Variants in DSC2 observed in about 807,000 individuals in gnomAD.
The protein encoded by DSC2 is desmocollin 2.
A neutral mutation model predicts 87.6 loss-of-function variants in DSC2; 51 were observed. The observed-to-expected ratio is 0.58, with a 90% CI of 0.46 to 0.74. The LOEUF is 0.74. DSC2 is among the 30% of genes least tolerant of loss of function. The pLI, the probability that DSC2 is intolerant of heterozygous loss-of-function variation, is 0.00. For missense variants in DSC2, 1,066 were observed against 1,089.5 expected (o/e 0.98, Z 0.30); for synonymous variants, 383 against 393.2 (o/e 0.97, Z 0.31).
chr18:31,096,000 A>G (rs1987749133), intron 1 of DSC2, among the ~76,000 whole-genome samples: 1 of 152,122 alleles, frequency 6.6e-6, no homozygotes. Flanking sequence ...GAGGTATAAC[A>G]TGGGCTCAAA....
intron 14 of DSC2, among the ~76,000 whole-genome samples, chr18:31,070,036 C>A (rs1216577230): frequency 6.6e-6 from 1 of 152,068 alleles, no homozygotes; most frequent in Non-Finnish European, 1.5e-5. Flanking sequence ...AACACCAAAG[C>A]TTTGGCCACT....
intron 15 of DSC2, 134 bp from the exon 16 acceptor site, chr18:31,068,346 T>A (rs1057255651): frequency 2.5e-6 from 4 of 1,612,618 alleles, no homozygotes; most frequent in Non-Finnish European, 3.4e-6. Flanking sequence ...AATGGATTCC[T>A]ATACATAAAA....
chr18:31,093,860 T>C (rs902409476), intron 1 of DSC2, among the ~76,000 whole-genome samples: 8 of 150,058 alleles, frequency 5.3e-5, no homozygotes, highest in Admixed American at 2.7e-4. Flanking sequence ...TATAATTATA[T>C]GTGATTTATG....
chr18:31,074,956 C>A, intron 11 of DSC2, 49 bp from the exon 12 acceptor site: 1 of 1,545,330 alleles, frequency 6.5e-7, no homozygotes, highest in East Asian at 2.4e-5. Context: ...GAGTTTTCAC[C>A]ACAAAAGTAT....
intron 11 of DSC2, among the ~76,000 whole-genome samples, chr18:31,077,216 AAT>A (rs1274926403): frequency 6.6e-6 from 1 of 152,210 alleles, no homozygotes; most frequent in African/African-American, 2.4e-5. Context: ...GCAGGTGGAT[AAT>A]ATATATTTCA....
chr18:31,100,914 C>CT, intron 1 of DSC2, among the ~76,000 whole-genome samples: 1 of 152,096 alleles, frequency 6.6e-6, no homozygotes, highest in Non-Finnish European at 1.5e-5. Context: ...CCGGCATTGG[C>CT]TTTTTGCGTC....
chr18:31,091,094 T>C lies in DSC2; in HGVS notation c.408A>G (p.Arg136=), dbSNP rs561653481. The change falls in exon 4 of 16, where the codon AGA becomes AGG. Residue 136 remains arginine (R), a synonymous_variant. Coordinates refer to ENST00000280904, the MANE Select transcript of DSC2 (RefSeq NM_024422.6). ...KEKVLRRAKR[R]WAPIPCSMLE... is the part of the protein sequence containing the mutation. ...GCATCGAACAAGGAATTGGAGCCCA[T>C]CTTCTCTTGGCGCGCCTTAGAACTT... 53 of 1,614,066 alleles carry C rather than the reference T, an allele frequency of 3.3e-5. 2 individuals are homozygous for C. The East Asian group carries it at 3.3e-4, about 10-fold the overall frequency.
chr18:31,086,211 G>C (rs1987389154), intron 7 of DSC2, among the ~76,000 whole-genome samples: 1 of 152,146 alleles, frequency 6.6e-6, no homozygotes, highest in Non-Finnish European at 1.5e-5. Context: ...AGAGATTAGA[G>C]AGACATAAAC....
intron 11 of DSC2, among the ~76,000 whole-genome samples, chr18:31,075,204 T>C (rs1007227517): frequency 9.9e-5 from 15 of 152,136 alleles, no homozygotes; most frequent in Non-Finnish European, 1.3e-4. Flanking sequence ...TGAGGACACT[T>C]CTGGTATATT....
At chr18:31,073,338 C>T (rs1441404920) in intron 12 of DSC2, among the ~76,000 whole-genome samples, 1 of 150,606 alleles carries the variant, frequency 6.6e-6, no homozygotes, top group Non-Finnish European at 1.5e-5. Context: ...TCCTCCCCAC[C>T]CCAAAATAAA....
intron 4 of DSC2, among the ~76,000 whole-genome samples, chr18:31,090,151 G>GA (rs1987544849): frequency 6.6e-6 from 1 of 151,958 alleles, no homozygotes; most frequent in African/African-American, 2.4e-5. Flanking sequence ...TCCTTGATTC[G>GA]AAAAGCAAAT....
chr18:31,089,697 T>C, intron 4 of DSC2, 103 bp from the exon 5 acceptor site: 1 of 1,107,412 alleles, frequency 9.0e-7, no homozygotes, highest in Admixed American at 2.5e-5. Flanking sequence ...TTTAAATAAT[T>C]GCCCTTAATT....
At chr18:31,097,148 CGTG>C (rs1987786254) in intron 1 of DSC2, among the ~76,000 whole-genome samples, 1 of 151,530 alleles carries the variant, frequency 6.6e-6, no homozygotes, top group South Asian at 2.1e-4. Context: ...ATTAGCCAGG[CGTG>C]GTGGCGGGCA....
rs1467273161 is a variant in DSC2 at position 31,086,679 on chromosome 18, A to G, written c.839T>C (p.Leu280Pro). Reference protein sequence around the residue: ...KDEPDTMHTRLKYSIIGQVPP... With the variant: ...KDEPDTMHTRPKYSIIGQVPP... ...CACCTGCCCAATGATGGAGTACTTC[A>G]GGCGTGTGTGCATCGTGTCAGGCTC... Residue 280 changes from leucine to proline, a missense_variant, in exon 7 of 16, where the codon CTG becomes CCG. Physicochemically the swap from Leu to Pro is moderately conservative, Grantham distance 98 (BLOSUM62 -3). Transcript: ENST00000280904. 1 of 1,614,194 alleles carries G rather than the reference A, an allele frequency of 6.2e-7. No homozygotes were observed. The highest frequency in any genetic ancestry group is 8.5e-7 in the Non-Finnish European group (1 of 1,180,024).
intron 5 of DSC2, 113 bp downstream of exon 5, chr18:31,089,326 C>T (rs1430469623): frequency 2.2e-5 from 26 of 1,198,114 alleles, no homozygotes; most frequent in Non-Finnish European, 3.2e-5. Context: ...AGGGAGTAGC[C>T]AGAGCATTGG....
At chr18:31,095,086 G>A (rs1987721465) in intron 1 of DSC2, among the ~76,000 whole-genome samples, 1 of 152,198 alleles carries the variant, frequency 6.6e-6, no homozygotes, top group Non-Finnish European at 1.5e-5. Context: ...AAGGCAGCGA[G>A]AGATAAATGT....
intron 13 of DSC2, among the ~76,000 whole-genome samples, chr18:31,071,312 C>A (rs541635333): frequency 6.6e-6 from 1 of 151,818 alleles, no homozygotes; most frequent in Non-Finnish European, 1.5e-5. Context: ...TTTGAGAGGC[C>A]GAGGTGGGGG....
Position 31,066,635 on chromosome 18 carries a change from C to A in DSC2, c.*1380G>T, listed in dbSNP as rs956101121. 1.3e-5 allele frequency: 2 copies of A among 151,958 alleles called. No homozygotes were observed. The highest frequency in any genetic ancestry group is 2.4e-5 in the African/African-American group (1 of 41,384). The allele number at this position is 151,958 out of a possible 1,614,324, so 9.4% of individuals were successfully genotyped here. The stretch of plus-strand genomic sequence containing the variant: ...ATATGTTTAGTATAAATAGAAAATT[C>A]ATTGACTAAAATAAGTCATGAAACA... On this transcript the variant is annotated 3_prime_UTR_variant, in exon 16 of 16. Coordinates refer to ENST00000280904, the MANE Select transcript of DSC2 (RefSeq NM_024422.6).
chr18:31,083,814 T>C (rs1316510263), intron 7 of DSC2, among the ~76,000 whole-genome samples: 3 of 152,190 alleles, frequency 2.0e-5, no homozygotes, highest in African/African-American at 7.2e-5. Context: ...CTGAAGCATT[T>C]AAATATTTTA....
Sources: allele counts gnomAD v4.1 joint callset (sites outside exome capture counted in the v4.1 genomes callset), GRCh38; gene constraint gnomAD v4.1.1; transcripts MANE v1.5; gene names NCBI Gene and HGNC (gene_info 2026-07-23, HGNC 2026-07-21).